Variants in PKNOX2 observed in about 807,000 individuals in gnomAD.
PKNOX2 encodes PBX/knotted 1 homeobox 2.
Under a neutral mutation model 53.1 loss-of-function variants are expected in PKNOX2, and 14 were observed. The ratio of observed to expected loss-of-function variants is 0.26; its 90% CI spans 0.17 to 0.41. The LOEUF (loss-of-function observed/expected upper bound fraction) is 0.41. PKNOX2 is among the 10% of genes least tolerant of loss of function. PKNOX2 has a pLI of 1.00. For missense variants in PKNOX2, 496 were observed against 602.8 expected (o/e 0.82, Z 1.85); for synonymous variants, 257 against 242.8 (o/e 1.06, Z -0.54).
At chr11:125,217,008 A>AACACACACAC (rs10571639) in intron 1 of PKNOX2, among the ~76,000 whole-genome samples, 33 of 147,224 alleles carry the variant, frequency 2.2e-4, no homozygotes, top group African/African-American at 2.8e-4. Flanking sequence ...ATCCCCTCAA[A>AACACACACAC]ACACACACAC....
At chr11:125,385,874 C>A in intron 6 of PKNOX2, 152 bp downstream of exon 6, 1 of 975,298 alleles carries the variant, frequency 1.0e-6, no homozygotes, top group Non-Finnish European at 1.5e-6. Flanking sequence ...GTCTTGCAGC[C>A]AACAACCATT....
At chr11:125,267,348 G>T (rs1260213631) in intron 2 of PKNOX2, among the ~76,000 whole-genome samples, 1 of 152,196 alleles carries the variant, frequency 6.6e-6, no homozygotes, top group Non-Finnish European at 1.5e-5. Context: ...GGATGTGCTT[G>T]TCCTGAAGGC....
chr11:125,174,784 G>A (rs1346798887), intron 1 of PKNOX2, among the ~76,000 whole-genome samples: 7 of 152,140 alleles, frequency 4.6e-5, no homozygotes, highest in Admixed American at 4.6e-4. Flanking sequence ...GGCAGAGTGG[G>A]AACTCAAGAC....
At chr11:125,320,584 G>A (rs1250421668) in intron 2 of PKNOX2, among the ~76,000 whole-genome samples, 2 of 152,152 alleles carry the variant, frequency 1.3e-5, no homozygotes, top group Non-Finnish European at 2.9e-5. Context: ...TCCATTGGCT[G>A]CAAGCACCTC....
At chr11:125,275,400 CAG>C (rs1565485650) in intron 2 of PKNOX2, among the ~76,000 whole-genome samples, 1 of 152,142 alleles carries the variant, frequency 6.6e-6, no homozygotes, top group Non-Finnish European at 1.5e-5. Context: ...GTCAGGGAGG[CAG>C]AGAGTGTCTT....
At chr11:125,350,255 T>C (rs1240848834) in intron 3 of PKNOX2, among the ~76,000 whole-genome samples, 3 of 152,212 alleles carry the variant, frequency 2.0e-5, no homozygotes, top group African/African-American at 7.2e-5. Flanking sequence ...ACAGCCGGGC[T>C]GTCTCCACTT....
chr11:125,300,569 G>A (rs1176849302), intron 2 of PKNOX2, among the ~76,000 whole-genome samples: 1 of 152,118 alleles, frequency 6.6e-6, no homozygotes, highest in South Asian at 2.1e-4. Flanking sequence ...CACAGAGAGA[G>A]AGAAAAAGAG....
At chr11:125,279,021 C>T (rs1271715218) in intron 2 of PKNOX2, among the ~76,000 whole-genome samples, 2 of 152,216 alleles carry the variant, frequency 1.3e-5, no homozygotes, top group Non-Finnish European at 2.9e-5. Context: ...CTATTCTCTC[C>T]TCGTGGTCAC....
chr11:125,193,470 C>G (rs1417083041), intron 1 of PKNOX2, among the ~76,000 whole-genome samples: 1 of 152,174 alleles, frequency 6.6e-6, no homozygotes, highest in Non-Finnish European at 1.5e-5. Flanking sequence ...AGCCTTCTGT[C>G]CGTGCCAGTG....
At position 125,230,837 on chromosome 11, in the gene PKNOX2, C is replaced by T. The variant is rs557434486; in HGVS notation, c.-200-4208C>T. Among the ~76,000 whole-genome samples the T allele has an allele frequency of 8.5e-5, 13 of 152,290 alleles. No individual in the cohort carries two copies. In the East Asian group the frequency reaches 9.6e-4, roughly 11 times the overall value. On this transcript the variant is annotated intron_variant, in intron 1 of 12. Coordinates refer to ENST00000298282, the MANE Select transcript of PKNOX2 (RefSeq NM_001382323.2). Reference sequence around the variant, plus strand: ...TCTTATTTAAAGGTGCTACTGTTAGCACACTTTTAAAGATGAGAAAATTGA... The same window carrying T: ...TCTTATTTAAAGGTGCTACTGTTAGTACACTTTTAAAGATGAGAAAATTGA...
intron 4 of PKNOX2, among the ~76,000 whole-genome samples, chr11:125,362,658 A>G (rs777443217): frequency 1.3e-5 from 2 of 152,234 alleles, no homozygotes; most frequent in Non-Finnish European, 2.9e-5. Context: ...GGCATGAGCC[A>G]CTGCACCCAG....
chr11:125,229,396 T>C (rs7938149), intron 1 of PKNOX2, among the ~76,000 whole-genome samples: 2,377 of 152,266 alleles, frequency 0.016, 57 homozygotes, highest in African/African-American at 0.054. Context: ...AATTGGCATG[T>C]TTAGGTCATA....
At chr11:125,252,429 C>CA (rs1490621300) in intron 2 of PKNOX2, among the ~76,000 whole-genome samples, 1 of 151,716 alleles carries the variant, frequency 6.6e-6, no homozygotes, top group African/African-American at 2.4e-5. Flanking sequence ...TGGAGGAAGG[C>CA]AAAAAAAGAA....
intron 1 of PKNOX2, among the ~76,000 whole-genome samples, chr11:125,178,645 A>G (rs10893338): frequency 0.43 from 12,963 of 29,822 alleles, 3,467 homozygotes; most frequent in Non-Finnish European, 0.5. Flanking sequence ...AAAGAAAGAA[A>G]GAAGGAAGGA....
At chr11:125,200,644 G>A (rs903417750) in intron 1 of PKNOX2, among the ~76,000 whole-genome samples, 3 of 152,104 alleles carry the variant, frequency 2.0e-5, no homozygotes, top group Non-Finnish European at 4.4e-5. Context: ...AGCCACAGCC[G>A]TCACCCATGC....
At chr11:125,339,905 T>C (rs1376799202) in intron 3 of PKNOX2, among the ~76,000 whole-genome samples, 2 of 152,226 alleles carry the variant, frequency 1.3e-5, no homozygotes, top group Non-Finnish European at 2.9e-5. Flanking sequence ...CTCCTCCTAA[T>C]TGAACACACA....
intron 1 of PKNOX2, among the ~76,000 whole-genome samples, chr11:125,202,664 A>G (rs1461745590): frequency 1.2e-4 from 16 of 136,878 alleles, no homozygotes; most frequent in Admixed American, 1.1e-3. Flanking sequence ...AGCCTTCTGG[A>G]GTGCAGGGGG....
At chr11:125,179,269 G>A (rs896346912) in intron 1 of PKNOX2, among the ~76,000 whole-genome samples, 3 of 152,152 alleles carry the variant, frequency 2.0e-5, no homozygotes, top group Non-Finnish European at 2.9e-5. Flanking sequence ...GTTAGATGGC[G>A]AACAGAGACG....
intron 1 of PKNOX2, among the ~76,000 whole-genome samples, chr11:125,230,495 C>T (rs7107424): frequency 0.025 from 3,840 of 152,222 alleles, 155 homozygotes; most frequent in African/African-American, 0.087. Context: ...TGGAATGGCC[C>T]ATCTCAATCA....
Sources: gnomAD v4.1 joint callset for allele counts (sites outside exome capture counted in the v4.1 genomes callset) on GRCh38, gnomAD v4.1.1 for gene constraint, MANE v1.5 for transcripts, NCBI Gene and HGNC (gene_info 2026-07-23, HGNC 2026-07-21) for gene names.